The following MZT2B variants were observed in gnomAD, a reference collection of about 807,000 sequenced individuals.
The protein encoded by MZT2B is mitotic-spindle organizing protein 2B.
A neutral mutation model predicts 12.1 loss-of-function variants in MZT2B; 11 were observed. The ratio of observed to expected loss-of-function variants is 0.91; its 90% CI spans 0.57 to 1.50. The LOEUF is 1.50. MZT2B is among the 40% of genes most tolerant of loss of function. The pLI is 0.00. For missense variants in MZT2B, 209 were observed against 227.7 expected, an observed-to-expected ratio of 0.92 and a Z score of 0.53; for synonymous variants, 85 against 109.5, an observed-to-expected ratio of 0.78 and a Z score of 1.40.
chr2:130,183,638 G>T, intron 2 of MZT2B: 13 of 1,324,530 alleles, frequency 9.8e-6, no homozygotes, highest in Non-Finnish European at 1.4e-5. Flanking sequence ...ATCCTGAGAA[G>T]GCGTGGAGAG....
intron 2 of MZT2B, chr2:130,182,983 CGTACCCCAGGGTG>C: frequency 1.1e-6 from 1 of 872,502 alleles, no homozygotes; most frequent in African/African-American, 1.7e-5. Context: ...ACGCAGAGTG[CGTACCCCAGGGTG>C]GTCCAGGCTG....
chr2:130,201,190 A>G, the MZT2B span, among the ~76,000 whole-genome samples: 1 of 152,234 alleles, frequency 6.6e-6, no homozygotes. Context: ...CTTTGGCAAA[A>G]GGAGGAGGGG....
chr2:130,204,690 T>C, the MZT2B span, among the ~76,000 whole-genome samples: 1 of 73,510 alleles, frequency 1.4e-5, no homozygotes, highest in Non-Finnish European at 2.5e-5. Context: ...AAACTCTGTC[T>C]CAAAAAAAAA....
chr2:130,183,449 G>T (rs190073112), intron 2 of MZT2B: 116 of 433,990 alleles, frequency 2.7e-4, no homozygotes, highest in South Asian at 4.2e-4. Flanking sequence ...GTGGTGACTG[G>T]GCTGAGGAGA....
chr2:130,182,643 C>G lies in MZT2B; in HGVS notation c.187C>G (p.Leu63Val). 1 of 1,542,250 alleles carries G rather than the reference C, an allele frequency of 6.5e-7. No individual in the cohort carries two copies. Among genetic ancestry groups the G allele is most frequent in the Non-Finnish European group, 8.7e-7 (1 of 1,145,026 alleles). ...CCCCGCCAGGATCCTGGTGGACCTG[C>G]TGAAGCTGAACGTGGCCCCCCTCGC... is the stretch of plus-strand genomic sequence containing the variant. ...PDVFKILVDL[L>V]KLNVAPLAVF... Residue 63 changes from leucine (L) to valine (V), a missense_variant, in exon 2 of 3, where the codon CTG (leucine) becomes GTG (valine). Physicochemically the swap from Leu to Val is conservative, Grantham distance 32. Transcript: ENST00000281871.
downstream of MZT2B, chr2:130,191,944 C>T: frequency 6.2e-7 from 1 of 1,614,086 alleles, no homozygotes; most frequent in South Asian, 1.1e-5. Flanking sequence ...TCTCCCTCTT[C>T]CATGCCTTCG....
chr2:130,181,796 A>G, upstream of MZT2B: 4 of 1,545,870 alleles, frequency 2.6e-6, no homozygotes, highest in Non-Finnish European at 3.5e-6. Context: ...CGGCGCCCCA[A>G]GGTACTTTCT....
chr2:130,186,223 G>A (rs994287739), intron 2 of MZT2B, among the ~76,000 whole-genome samples: 47 of 152,164 alleles, frequency 3.1e-4, no homozygotes, highest in Admixed American at 4.6e-4. Context: ...TCTCCAGGCT[G>A]TGGGCCAGGC....
rs1558780936 is a variant in MZT2B, at chr2:130,190,640, C to G, written c.*14C>G. On this transcript the variant is annotated 3_prime_UTR_variant, in exon 3 of 3. Coordinates refer to ENST00000281871, the MANE Select transcript of MZT2B (RefSeq NM_025029.5). ...GGCAGCACCTAGGATGGGGCAGAGA[C>G]TTGTTGCATCTTTGTCCCCAGCAAA... 6.3e-7 allele frequency: 1 copy of G among 1,589,260 alleles called. No individual in the cohort carries two copies. Among genetic ancestry groups the G allele is most frequent in the South Asian group, 1.1e-5 (1 of 90,030 alleles).
At chr2:130,188,588 T>TC (rs1338619808) in intron 2 of MZT2B, among the ~76,000 whole-genome samples, 2 of 152,150 alleles carry the variant, frequency 1.3e-5, no homozygotes, top group Non-Finnish European at 2.9e-5. Context: ...CAACCCTGAC[T>TC]CCATCTTTGT....
At chr2:130,198,471 C>T in the MZT2B span, 70 of 1,240,566 alleles carry the variant, frequency 5.6e-5, 17 homozygotes, top group Non-Finnish European at 7.0e-5. Flanking sequence ...CAGGATTGGC[C>T]TGCCGGTGCC....
downstream of MZT2B, among the ~76,000 whole-genome samples, chr2:130,191,221 A>G (rs1201065296): frequency 3.3e-5 from 5 of 152,278 alleles, no homozygotes; most frequent in Admixed American, 3.3e-4. Context: ...GACAGTGCTG[A>G]GGGACAGGGT....
the MZT2B span, among the ~76,000 whole-genome samples, chr2:130,198,003 C>T: frequency 1.6e-5 from 2 of 123,354 alleles, no homozygotes; most frequent in Non-Finnish European, 3.6e-5. Context: ...CCCCCGTCAC[C>T]GAAGGCTCCT....
downstream of MZT2B, chr2:130,194,015 A>G (rs771879870): frequency 5.0e-6 from 8 of 1,614,158 alleles, no homozygotes; most frequent in South Asian, 7.7e-5. Context: ...CTCAGCTGAG[A>G]TGACTGGGGC....
At chr2:130,190,380 A>G in intron 2 of MZT2B, 89 bp from the exon 3 acceptor site, 4 of 1,566,642 alleles carry the variant, frequency 2.6e-6, no homozygotes, top group South Asian at 1.2e-5. Context: ...ATGTGCAGAC[A>G]CAAATGTTGC....
downstream of MZT2B, chr2:130,195,013 C>T: frequency 1.3e-6 from 2 of 1,592,870 alleles, no homozygotes; most frequent in Non-Finnish European, 8.6e-7. Context: ...AATGACTTCC[C>T]TTTCACATTC....
chr2:130,187,121 C>G (rs945241189), intron 2 of MZT2B, among the ~76,000 whole-genome samples: 10 of 148,676 alleles, frequency 6.7e-5, no homozygotes, highest in Non-Finnish European at 1.3e-4. Context: ...GTACTGATTA[C>G]GTATTGAAAT....
the MZT2B span, among the ~76,000 whole-genome samples, chr2:130,200,256 C>T: frequency 4.0e-5 from 6 of 151,832 alleles, no homozygotes; most frequent in Admixed American, 1.3e-4. Flanking sequence ...CCGGGCATGG[C>T]TGCAGGTGCC....
chr2:130,199,773 G>A, the MZT2B span, among the ~76,000 whole-genome samples: 1 of 79,554 alleles, frequency 1.3e-5, no homozygotes, highest in Non-Finnish European at 2.8e-5. Context: ...GGCTGGCCTA[G>A]CCTGAGGAAT....
Sources: allele counts gnomAD v4.1 joint callset (sites outside exome capture counted in the v4.1 genomes callset), GRCh38; gene constraint gnomAD v4.1.1; transcripts MANE v1.5; gene names NCBI Gene and HGNC (gene_info 2026-07-23, HGNC 2026-07-21).